Variants in PLCB1 observed in about 807,000 individuals in gnomAD.
The protein encoded by PLCB1 is phospholipase C beta 1.
Under a neutral mutation model 161.8 loss-of-function variants are expected in PLCB1, and 46 were observed. The observed-to-expected ratio is 0.28, with a 90% CI of 0.22 to 0.36. The LOEUF (loss-of-function observed/expected upper bound fraction) is 0.36. Ranked by LOEUF, PLCB1 falls within the 10% of genes least tolerant of loss-of-function variation. The pLI is 1.00. For synonymous variants in PLCB1, 517 were observed against 503.7 expected, an observed-to-expected ratio of 1.03 and a Z score of -0.35; for missense variants, 1,016 against 1,472.5, an observed-to-expected ratio of 0.69 and a Z score of 5.07.
intron 2 of PLCB1, among the ~76,000 whole-genome samples, chr20:8,168,390 C>A (rs2051696176): frequency 6.6e-6 from 1 of 152,160 alleles, no homozygotes; most frequent in South Asian, 2.1e-4. Flanking sequence ...ATATGAAGTA[C>A]CCCACCTGGA....
At position 8,684,995 on chromosome 20, in the gene PLCB1, C is replaced by T; in HGVS notation, c.926C>T (p.Pro309Leu). The change falls in exon 10 of 32, where the codon CCT (proline) becomes CTT (leucine). Residue 309 changes from proline (P) to leucine (L), a missense_variant. Around this residue, in one of 10 missense-constraint regions of PLCB1, gnomAD observed 117 missense variants for 142.2 expected, o/e 0.82. Coordinates refer to ENST00000338037, the MANE Select transcript of PLCB1 (RefSeq NM_015192.4). Reference protein sequence around the residue: ...LSGEENGVVSPEKLDLNEDMS... With the variant: ...LSGEENGVVSLEKLDLNEDMS... ...GGAGAAGAAAACGGAGTCGTTTCAC[C>T]TGAGAAACTGGATTTGAATGAAGAC... The T allele has an allele frequency of 6.2e-7, 1 of 1,613,386 alleles. No individual in the cohort carries two copies.
chr20:8,193,740 A>G (rs1394135725), intron 2 of PLCB1, among the ~76,000 whole-genome samples: 12 of 152,008 alleles, frequency 7.9e-5, no homozygotes, highest in Admixed American at 7.9e-4. Flanking sequence ...TTTCTACCCT[A>G]ACATTTATTC....
chr20:8,294,550 G>A (rs1983538915), intron 2 of PLCB1, among the ~76,000 whole-genome samples: 1 of 151,440 alleles, frequency 6.6e-6, no homozygotes, highest in Non-Finnish European at 1.5e-5. Flanking sequence ...GTATATGTGT[G>A]TATATCTACA....
At chr20:8,245,840 T>G (rs1217804047) in intron 2 of PLCB1, among the ~76,000 whole-genome samples, 3 of 151,946 alleles carry the variant, frequency 2.0e-5, no homozygotes, top group Non-Finnish European at 4.4e-5. Context: ...TATTTAATAT[T>G]TACAATAACG....
At position 8,233,314 on chromosome 20, in the gene PLCB1, G is replaced by T. The variant is rs1980161341; in HGVS notation, c.177+82943G>T. ...GTACAGTGAGAAATGGATATACAAA[G>T]GGATATGGAACACAGATAAGGGGGA... On this transcript the variant is annotated intron_variant, in intron 2 of 31. Coordinates refer to ENST00000338037, the MANE Select transcript of PLCB1 (RefSeq NM_015192.4). Among the ~76,000 whole-genome samples the T allele has an allele frequency of 4.6e-5, 7 of 152,094 alleles. 1 individual carries two copies. The highest frequency in any genetic ancestry group is 4.6e-4 in the Admixed American group (7 of 15,260).
intron 31 of PLCB1, among the ~76,000 whole-genome samples, chr20:8,864,579 G>A (rs1009917295): frequency 6.6e-5 from 10 of 152,128 alleles, no homozygotes; most frequent in African/African-American, 2.4e-4. Context: ...TGAGGGAGAG[G>A]AGGCCACAAA....
intron 31 of PLCB1, among the ~76,000 whole-genome samples, chr20:8,794,580 C>A (rs1983926069): frequency 6.6e-6 from 1 of 152,174 alleles, no homozygotes; most frequent in Non-Finnish European, 1.5e-5. Flanking sequence ...ATTTCTTTCA[C>A]CATGTTGTTG....
intron 3 of PLCB1, among the ~76,000 whole-genome samples, chr20:8,526,158 C>T (rs1376576455): frequency 6.6e-6 from 1 of 151,980 alleles, no homozygotes; most frequent in African/African-American, 2.4e-5. Flanking sequence ...TATGCACATA[C>T]AATTTTACTT....
At chr20:8,634,988 C>T (rs1290636337) in intron 4 of PLCB1, among the ~76,000 whole-genome samples, 1 of 152,074 alleles carries the variant, frequency 6.6e-6, no homozygotes, top group Non-Finnish European at 1.5e-5. Flanking sequence ...CCTAGGCCTC[C>T]CGAGGGACTC....
rs1285658982 is a variant in PLCB1, at chr20:8,216,361, C to T, written c.177+65990C>T. Among the ~76,000 whole-genome samples, 4 of 152,142 alleles carry T rather than the reference C, an allele frequency of 2.6e-5. No individual in the cohort carries two copies. In the East Asian group the frequency reaches 7.7e-4, roughly 29 times the overall value. ...GTCATTGTGGATCTCAGACTGAGTA[C>T]AAGGCTGCAATATTCACTCCTGAAG... On this transcript the variant is annotated intron_variant, in intron 2 of 31. Transcript: ENST00000338037.
At chr20:8,556,983 A>AAAATAAATAAATAAATAAAT (rs60833598) in intron 3 of PLCB1, among the ~76,000 whole-genome samples, 7 of 143,306 alleles carry the variant, frequency 4.9e-5, no homozygotes, top group African/African-American at 1.8e-4. Flanking sequence ...ATAAATAAAT[A>AAAATAAATAAATAAATAAAT]AAATAAATAA....
At chr20:8,156,465 A>G (rs527704221) in intron 2 of PLCB1, among the ~76,000 whole-genome samples, 1 of 152,350 alleles carries the variant, frequency 6.6e-6, no homozygotes, top group Non-Finnish European at 1.5e-5. Flanking sequence ...GGAACTGCTT[A>G]ATGCAGATGC....
rs186648526 is a variant in PLCB1, at chr20:8,635,874, T to C, written c.384+7443T>C. ...TCTTAGAGTTGCCCTAAAATAATAGTATTAGCTATTTAAAAGTGACCTCAA... is the reference window on the plus strand; with the variant it reads ...TCTTAGAGTTGCCCTAAAATAATAGCATTAGCTATTTAAAAGTGACCTCAA... On this transcript the variant is annotated intron_variant, in intron 4 of 31. Transcript: ENST00000338037. Among the ~76,000 whole-genome samples the C allele has an allele frequency of 3.5e-4, 54 of 152,280 alleles. 1 individual carries two copies. In the South Asian group the frequency reaches 0.01, roughly 29 times the overall value.
At chr20:8,390,253 C>G (rs1239643772) in intron 3 of PLCB1, among the ~76,000 whole-genome samples, 1 of 152,128 alleles carries the variant, frequency 6.6e-6, no homozygotes, top group Non-Finnish European at 1.5e-5. Flanking sequence ...GGCCTTTCTC[C>G]TCGGCTTACA....
intron 4 of PLCB1, among the ~76,000 whole-genome samples, chr20:8,636,748 CAATT>C (rs1164797630): frequency 6.6e-6 from 1 of 152,118 alleles, no homozygotes; most frequent in African/African-American, 2.4e-5. Context: ...CACATAAAAA[CAATT>C]AATGTCAAAC....
chr20:8,691,000 A>T (rs1192974744), intron 10 of PLCB1, among the ~76,000 whole-genome samples: 3 of 152,222 alleles, frequency 2.0e-5, no homozygotes. Context: ...CTGCAAGGAA[A>T]TTAAGGAGAA....
chr20:8,201,304 T>C (rs981457140), intron 2 of PLCB1, among the ~76,000 whole-genome samples: 3 of 152,150 alleles, frequency 2.0e-5, no homozygotes, highest in Non-Finnish European at 4.4e-5. Context: ...TTTTCTTATA[T>C]TTTGAAATAT....
chr20:8,567,575 A>G (rs890569040), intron 3 of PLCB1, among the ~76,000 whole-genome samples: 4 of 152,266 alleles, frequency 2.6e-5, no homozygotes, highest in Non-Finnish European at 4.4e-5. Flanking sequence ...ATCATCATGC[A>G]TATAAAACCA....
intron 3 of PLCB1, among the ~76,000 whole-genome samples, chr20:8,561,863 C>T (rs1714106638): frequency 6.6e-6 from 1 of 151,920 alleles, no homozygotes; most frequent in East Asian, 1.9e-4. Context: ...TAAGAATGTT[C>T]ACTACAATCT....
Sources: allele counts gnomAD v4.1 joint callset (sites outside exome capture counted in the v4.1 genomes callset), GRCh38; gene constraint gnomAD v4.1.1; regional missense constraint gnomAD v4.1.1; transcripts MANE v1.5; gene names NCBI Gene and HGNC (gene_info 2026-07-23, HGNC 2026-07-21).